The following TBC1D16 variants were observed in gnomAD, a reference collection of about 807,000 sequenced individuals.
TBC1D16 encodes CTD-2529O21.1.
TBC1D16 carries 58 observed loss-of-function variants against 74.7 expected under a neutral mutation model. That is an observed-to-expected ratio of 0.78 (90% confidence interval 0.63 to 0.97). The LOEUF (loss-of-function observed/expected upper bound fraction) is 0.97. TBC1D16 is among the 50% of genes least tolerant of loss of function. The pLI is 0.00. For missense variants in TBC1D16, 1,014 were observed against 1,079.5 expected, an observed-to-expected ratio of 0.94 and a Z score of 0.85; for synonymous variants, 493 against 474.7, an observed-to-expected ratio of 1.04 and a Z score of -0.50.
intron 1 of TBC1D16, among the ~76,000 whole-genome samples, chr17:80,020,975 G>A (rs1296986874): frequency 3.3e-5 from 5 of 149,556 alleles, no homozygotes; most frequent in East Asian, 3.9e-4. Context: ...GGGCAGGGCC[G>A]GGCACGGTGG....
chr17:80,019,287 T>C (rs2036202390), intron 1 of TBC1D16, among the ~76,000 whole-genome samples: 1 of 149,874 alleles, frequency 6.7e-6, no homozygotes, highest in African/African-American at 2.5e-5. Flanking sequence ...CTCTGCGAGG[T>C]GCGTCCCAAC....
At chr17:79,996,922 G>A (rs1376606327) in intron 3 of TBC1D16, among the ~76,000 whole-genome samples, 1 of 152,182 alleles carries the variant, frequency 6.6e-6, no homozygotes, top group Non-Finnish European at 1.5e-5. Flanking sequence ...GTCCGTGAGC[G>A]CGTGGACCGT....
chr17:79,953,580 C>A (rs2033184917), intron 3 of TBC1D16, among the ~76,000 whole-genome samples: 1 of 152,190 alleles, frequency 6.6e-6, no homozygotes, highest in Non-Finnish European at 1.5e-5. Context: ...GAGATTAGAA[C>A]CCAAGCTTTG....
chr17:80,030,208 C>G (rs1394834247), intron 1 of TBC1D16, among the ~76,000 whole-genome samples: 1 of 152,152 alleles, frequency 6.6e-6, no homozygotes, highest in Non-Finnish European at 1.5e-5. Context: ...TTCTGCCAAC[C>G]ACACCAAACC....
intron 1 of TBC1D16, among the ~76,000 whole-genome samples, chr17:80,017,537 C>T (rs1331063943): frequency 1.3e-5 from 2 of 151,776 alleles, no homozygotes; most frequent in South Asian, 2.1e-4. Flanking sequence ...CAAAATTAGC[C>T]GGGCGTGATG....
Position 79,986,796 on chromosome 17 carries a change from A to T in TBC1D16, c.779+23364T>A, listed in dbSNP as rs2034854753. Among the ~76,000 whole-genome samples, 2 of 152,124 alleles carry T rather than the reference A, an allele frequency of 1.3e-5. No individual in the cohort carries two copies. Among genetic ancestry groups the T allele is most frequent in the Admixed American group, 6.5e-5 (1 of 15,278 alleles). On this transcript the variant is annotated intron_variant, in intron 3 of 11. Transcript: ENST00000310924. The surrounding 1 kb of genome is among the most constrained non-coding windows in gnomAD (Gnocchi z 6.0). ...GAGCCTCAGCCCGCAGCGGGAGATG[A>T]CACCTCCGATCAGGTCCACGGGAAG...
intron 3 of TBC1D16, among the ~76,000 whole-genome samples, chr17:79,989,492 C>T (rs951024791): frequency 3.0e-4 from 46 of 152,232 alleles, no homozygotes; most frequent in African/African-American, 1.0e-3. Context: ...TGAAAAGCCA[C>T]GGTTCGCTTT....
In TBC1D16 at chr17:79,994,446, G is replaced by A. The variant is rs991560256; in HGVS notation, c.779+15714C>T. On this transcript the variant is annotated intron_variant, in intron 3 of 11. Coordinates refer to ENST00000310924, the MANE Select transcript of TBC1D16 (RefSeq NM_019020.4). The surrounding 1 kb of genome is among the most constrained non-coding windows in gnomAD (Gnocchi z 4.6). ...GTTTTGTTTATTTTTTTATTGAGAC[G>A]AAGTCTCACTCTTGTCCCCCAGGCT... 3.3e-5 allele frequency among the ~76,000 whole-genome samples: 5 copies of A among 152,148 alleles called. No individual in the cohort carries two copies. The highest frequency in any genetic ancestry group is 6.6e-5 in the Admixed American group (1 of 15,266).
rs116197351 is a variant in TBC1D16, at chr17:79,956,073, C to T, written c.780-3255G>A. Among the ~76,000 whole-genome samples, 1,362 of 152,224 alleles carry T rather than the reference C, an allele frequency of 8.9e-3. 29 individuals carry two copies. Among genetic ancestry groups the T allele is most frequent in the African/African-American group, 0.031 (1,272 of 41,494 alleles). On this transcript the variant is annotated intron_variant, in intron 3 of 11. Transcript: ENST00000310924. This position sits in a 1 kb window ranked among gnomAD's most constrained non-coding sequence, Gnocchi z 4.0. The stretch of plus-strand genomic sequence containing the variant: ...CAGACGAGAGCTCATGAGAGAGACA[C>T]GCAACTGGCAGTCAGCACCAGAGCC...
At chr17:80,006,226 T>TCTCTCTCTCTCTCTC (rs2035674610) in intron 3 of TBC1D16, among the ~76,000 whole-genome samples, 20 of 148,916 alleles carry the variant, frequency 1.3e-4, no homozygotes, top group African/African-American at 4.7e-4. Context: ...CTCTCTTTCT[T>TCTCTCTCTCTCTCTC]TCTCTCTCTC....
At position 80,013,400 on chromosome 17, in the gene TBC1D16, C is replaced by T. The variant is rs1436402317; in HGVS notation, c.148G>A (p.Glu50Lys). ...SKNNVCVHPPEGLQGLGEHHP... is the reference protein window; with the variant it reads ...SKNNVCVHPPKGLQGLGEHHP... The stretch of plus-strand genomic sequence containing the variant: ...TGCTCCCCCAGCCCCTGCAGCCCCT[C>T]CGGCGGGTGCACGCAGACATTGTTC... The change falls in exon 2 of 12, where the codon GAG becomes AAG. Residue 50 changes from glutamate to lysine, a missense_variant. Coordinates refer to ENST00000310924, the MANE Select transcript of TBC1D16 (RefSeq NM_019020.4). 2 of 1,609,042 alleles carry T rather than the reference C, an allele frequency of 1.2e-6. No homozygotes were observed. The highest frequency in any genetic ancestry group is 1.7e-5 in the Admixed American group (1 of 59,428).
In TBC1D16 at chr17:79,980,886, G is replaced by C. The variant is rs1475978070; in HGVS notation, c.780-28068C>G. Reference sequence around the variant, plus strand: ...GAAGGGGAGCCTGTGAGTTGAGCCAGAGCTGACCGGGAGCTGCTGGGACCA... The same window carrying C: ...GAAGGGGAGCCTGTGAGTTGAGCCACAGCTGACCGGGAGCTGCTGGGACCA... On this transcript the variant is annotated intron_variant, in intron 3 of 11. Transcript: ENST00000310924. This position sits in a 1 kb window ranked among gnomAD's most constrained non-coding sequence, Gnocchi z 7.0. Among the ~76,000 whole-genome samples, 1 of 152,132 alleles carries C rather than the reference G, an allele frequency of 6.6e-6. No individual in the cohort carries two copies. The highest frequency in any genetic ancestry group is 1.5e-5 in the Non-Finnish European group (1 of 68,024).
chr17:80,004,826 C>T (rs1410742185), intron 3 of TBC1D16, among the ~76,000 whole-genome samples: 1 of 152,198 alleles, frequency 6.6e-6, no homozygotes, highest in Non-Finnish European at 1.5e-5. Flanking sequence ...AGGCATGTGC[C>T]ACCATGCTGA....
chr17:80,019,823 CA>C (rs2036224286), intron 1 of TBC1D16, among the ~76,000 whole-genome samples: 1 of 149,740 alleles, frequency 6.7e-6, no homozygotes, highest in Non-Finnish European at 1.5e-5. Context: ...GGAATTATAT[CA>C]TATCTTGCTT....
intron 1 of TBC1D16, among the ~76,000 whole-genome samples, chr17:80,015,250 C>T (rs1223817049): frequency 6.6e-6 from 1 of 151,806 alleles, no homozygotes; most frequent in Non-Finnish European, 1.5e-5. Flanking sequence ...GCCAACATGG[C>T]AAAACCCCGT....
At chr17:79,974,576 C>A (rs2034251206) in intron 3 of TBC1D16, among the ~76,000 whole-genome samples, 1 of 152,130 alleles carries the variant, frequency 6.6e-6, no homozygotes, top group African/African-American at 2.4e-5. Flanking sequence ...CCGAGGGTAA[C>A]TGAAACTGCA....
At chr17:79,967,726 T>C (rs1257360878) in intron 3 of TBC1D16, among the ~76,000 whole-genome samples, 1 of 152,222 alleles carries the variant, frequency 6.6e-6, no homozygotes, top group African/African-American at 2.4e-5. Flanking sequence ...CTACCGTTTT[T>C]GCAGATATTG....
At chr17:79,991,179 G>C (rs558665040) in intron 3 of TBC1D16, among the ~76,000 whole-genome samples, 36 of 152,248 alleles carry the variant, frequency 2.4e-4, no homozygotes, top group Non-Finnish European at 4.0e-4. Flanking sequence ...CCACCCTGGA[G>C]ACCCAGCTGG....
chr17:80,013,357 C>A lies in TBC1D16; in HGVS notation c.181+10G>T, dbSNP rs1313186120. On this transcript the variant is annotated intron_variant, in intron 2 of 11. Coordinates refer to ENST00000310924, the MANE Select transcript of TBC1D16 (RefSeq NM_019020.4). ...TGTGCGACCCTGGAGCCTCGCCTGC[C>A]CTGGCTCACCTGGGTGGTGCTCCCC... 1.3e-6 allele frequency: 2 copies of A among 1,596,414 alleles called. No homozygotes were observed. The highest frequency in any genetic ancestry group is 2.7e-5 in the African/African-American group (2 of 74,766).
Sources: allele counts gnomAD v4.1 joint callset (sites outside exome capture counted in the v4.1 genomes callset), GRCh38; gene constraint gnomAD v4.1.1; non-coding constraint Gnocchi (gnomAD v3.1); transcripts MANE v1.5; gene names NCBI Gene and HGNC (gene_info 2026-07-23, HGNC 2026-07-21).